Variants in DOCK2 observed in about 807,000 individuals in gnomAD.
DOCK2 encodes dedicator of cytokinesis 2.
DOCK2 carries 87 observed loss-of-function variants against 248.9 expected under a neutral mutation model. That is an observed-to-expected ratio of 0.35 (90% CI 0.29 to 0.42). DOCK2 has a LOEUF of 0.42. DOCK2 is among the 10% of genes least tolerant of loss of function. The pLI, the probability that DOCK2 is intolerant of heterozygous loss-of-function variation, is 1.00. For missense variants in DOCK2, 1,747 were observed against 2,300.2 expected (o/e 0.76, Z 4.92); for synonymous variants, 805 against 821.6 (o/e 0.98, Z 0.35).
At chr5:169,921,822 T>C (rs1775191419) in intron 27 of DOCK2, among the ~76,000 whole-genome samples, 1 of 152,208 alleles carries the variant, frequency 6.6e-6, no homozygotes, top group African/African-American at 2.4e-5. Flanking sequence ...AATCGAACTT[T>C]TAAGTTTCTC....
At chr5:169,823,903 G>C (rs565387042) in intron 26 of DOCK2, among the ~76,000 whole-genome samples, 2 of 152,298 alleles carry the variant, frequency 1.3e-5, no homozygotes, top group East Asian at 3.9e-4. Flanking sequence ...TCCTTAAGCT[G>C]ATAAACAACT....
Position 169,682,643 on chromosome 5 carries a change from C to G in DOCK2, c.606+764C>G, listed in dbSNP as rs1759730452. Among the ~76,000 whole-genome samples, 2 of 150,168 alleles carry G rather than the reference C, an allele frequency of 1.3e-5. 1 individual carries two copies. The highest frequency in any genetic ancestry group is 4.9e-5 in the African/African-American group (2 of 40,818). ...TTAGCTACTCTGTGTTATTTGAAAG[C>G]AATTTTGTTTTTAGATTTATTAAGA... On this transcript the variant is annotated intron_variant, in intron 7 of 51. Coordinates refer to ENST00000520908, the MANE Select transcript of DOCK2 (RefSeq NM_004946.3).
intron 22 of DOCK2, among the ~76,000 whole-genome samples, chr5:169,730,115 C>T (rs1330823563): frequency 2.0e-5 from 3 of 152,128 alleles, no homozygotes; most frequent in Non-Finnish European, 4.4e-5. Flanking sequence ...CACCACCACA[C>T]CCAGCTAATT....
At chr5:169,989,544 G>T (rs150572384) in intron 29 of DOCK2, among the ~76,000 whole-genome samples, 63 of 152,352 alleles carry the variant, frequency 4.1e-4, no homozygotes, top group African/African-American at 1.2e-3. Flanking sequence ...AAGGCAGAGG[G>T]CTTACGGTCT....
chr5:169,909,981 T>A (rs896405429), intron 27 of DOCK2, among the ~76,000 whole-genome samples: 1 of 151,966 alleles, frequency 6.6e-6, no homozygotes, highest in Non-Finnish European at 1.5e-5. Flanking sequence ...TGCACCAGCA[T>A]TTTTTTTAAT....
chr5:170,000,128 T>A (rs563246695), intron 30 of DOCK2: 1 of 152,172 alleles, frequency 6.6e-6, no homozygotes, highest in African/African-American at 2.4e-5. Flanking sequence ...GGTATTTTTG[T>A]TTAAGAGCAA....
chr5:170,052,636 T>G (rs1294083403), intron 41 of DOCK2, among the ~76,000 whole-genome samples: 1 of 152,216 alleles, frequency 6.6e-6, no homozygotes, highest in African/African-American at 2.4e-5. Context: ...TAGTTAGTGA[T>G]GGAACTGGTA....
chr5:170,013,148 A>G (rs751108781), intron 32 of DOCK2, among the ~76,000 whole-genome samples: 1 of 152,152 alleles, frequency 6.6e-6, no homozygotes, highest in Non-Finnish European at 1.5e-5. Flanking sequence ...AAGGAAAGAC[A>G]GGGAAAGGGC....
At chr5:169,647,316 T>C (rs866876850) in intron 1 of DOCK2, among the ~76,000 whole-genome samples, 1 of 149,386 alleles carries the variant, frequency 6.7e-6, no homozygotes, top group Non-Finnish European at 1.5e-5. Context: ...GGTGGGTAGA[T>C]GGATGATAGA....
At chr5:169,677,800 C>A (rs1178354759) in intron 6 of DOCK2, among the ~76,000 whole-genome samples, 1 of 152,184 alleles carries the variant, frequency 6.6e-6, no homozygotes, top group African/African-American at 2.4e-5. Flanking sequence ...ATTTCCGAAG[C>A]CAGCCATGGG....
intron 29 of DOCK2, among the ~76,000 whole-genome samples, chr5:169,990,921 G>A (rs926932195): frequency 2.6e-5 from 4 of 152,200 alleles, no homozygotes; most frequent in Admixed American, 2.0e-4. Context: ...CCAGAACTTC[G>A]AGGCCATGGG....
intron 27 of DOCK2, among the ~76,000 whole-genome samples, chr5:169,918,289 T>C (rs938766263): frequency 6.6e-6 from 1 of 152,234 alleles, no homozygotes; most frequent in African/African-American, 2.4e-5. Context: ...TCTCAAAATG[T>C]TGTGGTTTGA....
At chr5:169,676,027 G>T (rs1230018786) in intron 6 of DOCK2, among the ~76,000 whole-genome samples, 1 of 152,196 alleles carries the variant, frequency 6.6e-6, no homozygotes, top group Non-Finnish European at 1.5e-5. Context: ...CACAGTTGCA[G>T]CTGAGTGTGT....
At chr5:169,948,270 T>G (rs1297598597) in intron 27 of DOCK2, among the ~76,000 whole-genome samples, 1 of 150,898 alleles carries the variant, frequency 6.6e-6, no homozygotes, top group Non-Finnish European at 1.5e-5. Context: ...AGCTTATATT[T>G]TAGTAGAGGG....
chr5:170,032,027 CTT>C (rs11362267), intron 34 of DOCK2, among the ~76,000 whole-genome samples: 79 of 142,096 alleles, frequency 5.6e-4, no homozygotes, highest in African/African-American at 1.5e-3. Flanking sequence ...ACCAGTTGTT[CTT>C]TTTTTTTTTT....
chr5:169,957,016 T>C (rs886968859), intron 27 of DOCK2, among the ~76,000 whole-genome samples: 25 of 152,082 alleles, frequency 1.6e-4, no homozygotes, highest in African/African-American at 6.0e-4. Context: ...ATCATTGTTC[T>C]GGAGAGTTTA....
intron 44 of DOCK2, among the ~76,000 whole-genome samples, chr5:170,059,759 T>C (rs533364913): frequency 6.6e-6 from 1 of 152,322 alleles, no homozygotes; most frequent in African/African-American, 2.4e-5. Context: ...AGTCAATCAA[T>C]ATGCAGACAC....
At chr5:169,799,811 G>T (rs1239064259) in intron 25 of DOCK2, among the ~76,000 whole-genome samples, 16 of 151,394 alleles carry the variant, frequency 1.1e-4, no homozygotes, top group Admixed American at 7.9e-4. Context: ...CAACGAGTTG[G>T]TTTTTTTTTC....
At chr5:170,047,700 T>C (rs916067741) in intron 40 of DOCK2, 86 bp downstream of exon 40, 9 of 1,298,236 alleles carry the variant, frequency 6.9e-6, no homozygotes, top group Admixed American at 4.0e-5. Flanking sequence ...AGGATTTGCT[T>C]GTGCTCAGAA....
Sources: allele counts gnomAD v4.1 joint callset (sites outside exome capture counted in the v4.1 genomes callset), GRCh38; gene constraint gnomAD v4.1.1; transcripts MANE v1.5; gene names NCBI Gene and HGNC (gene_info 2026-07-23, HGNC 2026-07-21).